Variants in PTPRQ observed in about 807,000 individuals in gnomAD.
PTPRQ encodes the protein phosphatidylinositol phosphatase PTPRQ.
PTPRQ carries 199 observed loss-of-function variants against 246.0 expected under a neutral mutation model. That is an observed-to-expected ratio of 0.81 (90% CI 0.72 to 0.91). The LOEUF is 0.91. PTPRQ is among the 40% of genes least tolerant of loss of function. The pLI is 0.00. For synonymous variants in PTPRQ, 869 were observed against 853.2 expected, an observed-to-expected ratio of 1.02 and a Z score of -0.32; for missense variants, 2,624 against 2,528.4, an observed-to-expected ratio of 1.04 and a Z score of -0.81.
Position 80,673,206 on chromosome 12 carries a change from G to T in PTPRQ, c.6640G>T (p.Asp2214Tyr). 2 of 1,550,834 alleles carry T rather than the reference G, an allele frequency of 1.3e-6. No homozygotes were observed. The highest frequency in any genetic ancestry group is 2.4e-5 in the South Asian group (2 of 83,988). ...AAGAACTGGAGTTTTTATTGCTCTG[G>T]ACCATTTAACACAACATATAAATGA... Reference protein sequence around the residue: ...VGRTGVFIALDHLTQHINDHD... With the variant: ...VGRTGVFIALYHLTQHINDHD... Residue 2214 changes from aspartate to tyrosine, a missense_variant, in exon 43 of 45, where the codon GAC (aspartate) becomes TAC (tyrosine). Coordinates refer to ENST00000644991, the MANE Select transcript of PTPRQ (RefSeq NM_001145026.2).
At chr12:80,678,768 A>G in intron 44 of PTPRQ, 43 bp downstream of exon 44, 3 of 1,504,226 alleles carry the variant, frequency 2.0e-6, no homozygotes, top group Non-Finnish European at 1.8e-6. Flanking sequence ...CTAGTTTACC[A>G]CCTACGGTAA....
In PTPRQ at chr12:80,644,914, T is replaced by TAAATATCTC. The variant is rs1238421960; in HGVS notation, c.5916-3982_5916-3981insAATATCTCA. Among the ~76,000 whole-genome samples the TAAATATCTC allele has an allele frequency of 5.3e-5, 8 of 152,186 alleles. No individual in the cohort carries two copies. In the East Asian group the frequency reaches 1.2e-3, roughly 22 times the overall value. On this transcript the variant is annotated intron_variant, in intron 35 of 44. Transcript: ENST00000644991. ...GGAAATATCTAACTTTTATTTGAAA[T>TAAATATCTC]AGTCAGGTAATGTACCTCAAAATGT...
At chr12:80,650,584 C>T (rs2121226580) in intron 37 of PTPRQ, among the ~76,000 whole-genome samples, 1 of 152,066 alleles carries the variant, frequency 6.6e-6, no homozygotes, top group South Asian at 2.1e-4. Context: ...ATTTCAGTCT[C>T]TTAGGGAATA....
At chr12:80,480,479 C>A (rs1894000680) in intron 8 of PTPRQ, among the ~76,000 whole-genome samples, 2 of 148,282 alleles carry the variant, frequency 1.3e-5, no homozygotes, top group East Asian at 2.0e-4. Context: ...AAAGCAAGAG[C>A]AAACACATTC....
At chr12:80,527,892 G>A (rs575004566) in intron 17 of PTPRQ, among the ~76,000 whole-genome samples, 1 of 152,238 alleles carries the variant, frequency 6.6e-6, no homozygotes, top group South Asian at 2.1e-4. Flanking sequence ...CCAGGAGTTT[G>A]CGATCAGCCT....
At chr12:80,636,162 A>C (rs1454940109) in intron 35 of PTPRQ, among the ~76,000 whole-genome samples, 1 of 152,214 alleles carries the variant, frequency 6.6e-6, no homozygotes, top group African/African-American at 2.4e-5. Flanking sequence ...ATGACAGCTG[A>C]CTTTTTAAAC....
At chr12:80,519,941 GCTTAT>G (rs547859493) in intron 17 of PTPRQ, among the ~76,000 whole-genome samples, 23 of 152,064 alleles carry the variant, frequency 1.5e-4, no homozygotes, top group African/African-American at 5.1e-4. Context: ...TTTTAATATT[GCTTAT>G]CTTGAGTCCA....
intron 28 of PTPRQ, 36 bp downstream of exon 28, chr12:80,610,661 T>G: frequency 2.6e-6 from 4 of 1,536,970 alleles, no homozygotes; most frequent in Non-Finnish European, 3.5e-6. Context: ...AAAAATTGAC[T>G]GAGATTTAGC....
Position 80,541,656 on chromosome 12 carries a change from T to C in PTPRQ, c.3256T>C (p.Tyr1086His), listed in dbSNP as rs1258956323. 1 of 1,551,176 alleles carries C rather than the reference T, an allele frequency of 6.4e-7. No individual in the cohort carries two copies. Among genetic ancestry groups the C allele is most frequent in the South Asian group, 1.2e-5 (1 of 83,996 alleles). The change falls in exon 21 of 45, where the codon TAC (tyrosine) becomes CAC (histidine). Residue 1086 changes from tyrosine (Y) to histidine (H), a missense_variant. By Grantham distance (83) the Tyr-to-His change is moderately conservative. Transcript: ENST00000644991. ...GGCTCAACCAAACGGTCTAGTCTTC[T>C]ACTATGTTTCACTGATCTTACAGCA... ...PPAQPNGLVFYYVSLILQQTP... is the reference protein window; with the variant it reads ...PPAQPNGLVFHYVSLILQQTP...
chr12:80,533,009 A>T (rs890045143), intron 17 of PTPRQ, among the ~76,000 whole-genome samples: 7 of 152,218 alleles, frequency 4.6e-5, no homozygotes, highest in Admixed American at 2.6e-4. Flanking sequence ...AGCTTTTTCT[A>T]TTCAGAGGGA....
chr12:80,543,615 AT>A (rs1369909672), intron 23 of PTPRQ, among the ~76,000 whole-genome samples: 9 of 152,136 alleles, frequency 5.9e-5, no homozygotes, highest in African/African-American at 2.2e-4. Context: ...TGCAGTAAAT[AT>A]TTTACTCAAT....
chr12:80,627,350 T>TAATA (rs1220340074), intron 33 of PTPRQ, among the ~76,000 whole-genome samples: 21 of 83,338 alleles, frequency 2.5e-4, no homozygotes, highest in African/African-American at 7.5e-4. Context: ...ATTTTTATAA[T>TAATA]AATAATAATA....
intron 9 of PTPRQ, 111 bp downstream of exon 9, chr12:80,484,716 T>C (rs1894216398): frequency 7.6e-7 from 1 of 1,313,336 alleles, no homozygotes. Context: ...CACTTACTAG[T>C]ACAAAGTAAA....
intron 3 of PTPRQ, among the ~76,000 whole-genome samples, chr12:80,446,968 T>C (rs1229280147): frequency 6.6e-6 from 1 of 152,050 alleles, no homozygotes; most frequent in East Asian, 1.9e-4. Flanking sequence ...GTAGATCTAT[T>C]TTCAGGTCTT....
chr12:80,641,042 C>G (rs1396945627), intron 35 of PTPRQ, among the ~76,000 whole-genome samples: 1 of 152,142 alleles, frequency 6.6e-6, no homozygotes, highest in Non-Finnish European at 1.5e-5. Context: ...GATGGTTAAC[C>G]TGTAAGGACC....
intron 3 of PTPRQ, among the ~76,000 whole-genome samples, chr12:80,449,685 T>C (rs1387709940): frequency 6.6e-6 from 1 of 152,062 alleles, no homozygotes; most frequent in Non-Finnish European, 1.5e-5. Flanking sequence ...CAGATAGTTG[T>C]AGATATGCGG....
intron 25 of PTPRQ, among the ~76,000 whole-genome samples, chr12:80,574,227 T>A (rs1477873437): frequency 6.6e-6 from 1 of 152,182 alleles, no homozygotes; most frequent in Non-Finnish European, 1.5e-5. Context: ...GTTCTTTTAT[T>A]CGTGGTTTGC....
intron 38 of PTPRQ, among the ~76,000 whole-genome samples, chr12:80,653,078 A>G (rs1900308012): frequency 6.6e-6 from 1 of 152,296 alleles, no homozygotes; most frequent in South Asian, 2.1e-4. Context: ...TGTAGACCTA[A>G]TAGTTTCTTA....
intron 33 of PTPRQ, among the ~76,000 whole-genome samples, chr12:80,626,154 C>G (rs866641788): frequency 5.9e-5 from 9 of 152,144 alleles, no homozygotes; most frequent in Admixed American, 2.6e-4. Context: ...GTATCTTTTG[C>G]ATCCAAAGGA....
Sources: allele counts gnomAD v4.1 joint callset (sites outside exome capture counted in the v4.1 genomes callset), GRCh38; gene constraint gnomAD v4.1.1; transcripts MANE v1.5; gene names NCBI Gene and HGNC (gene_info 2026-07-23, HGNC 2026-07-21).